LAMA2: variants seen among roughly 807,000 people sequenced by gnomAD.
LAMA2 encodes laminin subunit alpha-2.
LAMA2 carries 269 observed loss-of-function variants against 364.8 expected under a neutral mutation model. The observed-to-expected ratio is 0.74, with a 90% confidence interval of 0.67 to 0.82. The LOEUF (loss-of-function observed/expected upper bound fraction) is 0.82. Among genes scored for constraint, LAMA2 ranks in the 40% least tolerant of loss-of-function variants. The pLI is 0.00. For synonymous variants in LAMA2, 1,379 were observed against 1,370.6 expected (o/e 1.01, Z -0.14); for missense variants, 3,807 against 3,873.2 (o/e 0.98, Z 0.45).
intron 17 of LAMA2, among the ~76,000 whole-genome samples, chr6:129,273,697 C>A (rs1178349756): frequency 2.0e-5 from 3 of 152,064 alleles, no homozygotes; most frequent in Admixed American, 2.0e-4. Context: ...CACAATCCAT[C>A]AGTGCCAAAG....
chr6:128,942,517 T>G (rs1178716975), intron 1 of LAMA2, among the ~76,000 whole-genome samples: 1 of 152,192 alleles, frequency 6.6e-6, no homozygotes, highest in Non-Finnish European at 1.5e-5. Context: ...AACTATGAAT[T>G]GGCTCATTTA....
chr6:129,429,604 C>T (rs1271255344), intron 41 of LAMA2, among the ~76,000 whole-genome samples: 1 of 152,166 alleles, frequency 6.6e-6, no homozygotes, highest in African/African-American at 2.4e-5. Context: ...CATAATTCTG[C>T]TCAGCAGGTA....
intron 1 of LAMA2, among the ~76,000 whole-genome samples, chr6:128,951,788 TA>T (rs1022791953): frequency 1.3e-5 from 2 of 152,194 alleles, no homozygotes; most frequent in Non-Finnish European, 2.9e-5. Context: ...CTATTTTGTT[TA>T]AAAAAAACTT....
chr6:129,238,287 A>C (rs1280360863), intron 12 of LAMA2, among the ~76,000 whole-genome samples: 1 of 152,236 alleles, frequency 6.6e-6, no homozygotes, highest in Non-Finnish European at 1.5e-5. Flanking sequence ...GGAGAGGAAA[A>C]GAAATAATGT....
intron 1 of LAMA2, among the ~76,000 whole-genome samples, chr6:128,984,980 G>A (rs1455791253): frequency 1.3e-5 from 2 of 152,048 alleles, no homozygotes; most frequent in African/African-American, 4.8e-5. Context: ...TAGTTACTTG[G>A]TATGTCTAAG....
At chr6:129,314,473 C>G (rs767259822) in intron 23 of LAMA2, among the ~76,000 whole-genome samples, 182 bp from the exon 24 acceptor site, 6 of 149,758 alleles carry the variant, frequency 4.0e-5, no homozygotes, top group Non-Finnish European at 7.4e-5. Flanking sequence ...TTTAAAAGAT[C>G]CATGAACTCC....
intron 1 of LAMA2, among the ~76,000 whole-genome samples, chr6:128,992,286 A>G (rs1333057494): frequency 2.0e-5 from 3 of 152,218 alleles, no homozygotes; most frequent in Non-Finnish European, 4.4e-5. Context: ...AATTTTTATG[A>G]AATAATAAAA....
intron 1 of LAMA2, among the ~76,000 whole-genome samples, chr6:128,946,976 T>G (rs1380237579): frequency 2.6e-5 from 4 of 152,226 alleles, no homozygotes; most frequent in Non-Finnish European, 5.9e-5. Flanking sequence ...CCCTAATTCA[T>G]GGGCATTGAA....
Position 129,516,432 on chromosome 6 carries a change from A to AATT in LAMA2, c.*87_*89dup. 7.6e-7 allele frequency: 1 copy of AATT among 1,312,220 alleles called. No homozygotes were observed. Among genetic ancestry groups the AATT allele is most frequent in the Non-Finnish European group, 1.1e-6 (1 of 928,924 alleles). The allele number at this position is 1,312,220 out of a possible 1,614,324, so 81.3% of individuals were successfully genotyped here. A position where few individuals can be genotyped will look rare whatever the true frequency, so the allele number is the denominator to read the frequency against. On this transcript the variant is annotated 3_prime_UTR_variant, in exon 65 of 65. Coordinates refer to ENST00000421865, the MANE Select transcript of LAMA2 (RefSeq NM_000426.4). ...CAAATATATTTTACCTATATATGTT[A>AATT]ATTAAACTAATTTGTGCATGTACAT...
chr6:129,173,509 G>A (rs900886298), intron 9 of LAMA2, among the ~76,000 whole-genome samples: 4 of 152,154 alleles, frequency 2.6e-5, no homozygotes, highest in African/African-American at 9.7e-5. Context: ...ACTTGTCAGT[G>A]TCTGTCAATT....
chr6:128,931,147 C>T (rs1435460579), intron 1 of LAMA2, among the ~76,000 whole-genome samples: 1 of 152,148 alleles, frequency 6.6e-6, no homozygotes, highest in Non-Finnish European at 1.5e-5. Flanking sequence ...TATAACTAAC[C>T]TGTCTCTATA....
chr6:129,237,745 T>C (rs188885489), intron 12 of LAMA2, among the ~76,000 whole-genome samples: 5 of 152,256 alleles, frequency 3.3e-5, no homozygotes, highest in South Asian at 4.1e-4. Flanking sequence ...TATTGCCAAA[T>C]TGAACCCATA....
At chr6:129,376,315 G>A (rs1442920774) in intron 34 of LAMA2, among the ~76,000 whole-genome samples, 1 of 152,170 alleles carries the variant, frequency 6.6e-6, no homozygotes, top group East Asian at 1.9e-4. Context: ...TTCCACTTGT[G>A]TGTATGGCAT....
intron 1 of LAMA2, among the ~76,000 whole-genome samples, chr6:128,902,080 G>A (rs1777120368): frequency 6.6e-6 from 1 of 152,254 alleles, no homozygotes; most frequent in Non-Finnish European, 1.5e-5. Flanking sequence ...GCGAAGTGGG[G>A]GAAAAGCCCC....
At chr6:129,221,742 T>G (rs1783868118) in intron 12 of LAMA2, among the ~76,000 whole-genome samples, 1 of 152,180 alleles carries the variant, frequency 6.6e-6, no homozygotes. Flanking sequence ...TAGATGTATA[T>G]ACTAAAGGAA....
intron 9 of LAMA2, among the ~76,000 whole-genome samples, 154 bp from the exon 10 acceptor site, chr6:129,177,552 T>G (rs1379907837): frequency 4.6e-5 from 7 of 152,218 alleles, no homozygotes; most frequent in Non-Finnish European, 1.0e-4. Context: ...AATTAAACCC[T>G]CTACTCTTTG....
At chr6:129,116,247 C>G (rs987802402) in intron 4 of LAMA2, among the ~76,000 whole-genome samples, 2 of 152,140 alleles carry the variant, frequency 1.3e-5, no homozygotes, top group Non-Finnish European at 2.9e-5. Flanking sequence ...TAAGTCCCAG[C>G]TATTAAACTG....
intron 36 of LAMA2, among the ~76,000 whole-genome samples, chr6:129,392,368 C>A (rs1336460655): frequency 6.6e-6 from 1 of 152,116 alleles, no homozygotes; most frequent in Non-Finnish European, 1.5e-5. Context: ...GATTGTCAGA[C>A]CCCCTCCCAG....
At chr6:129,107,753 A>C (rs1344977981) in intron 4 of LAMA2, among the ~76,000 whole-genome samples, 22 of 152,182 alleles carry the variant, frequency 1.4e-4, no homozygotes, top group Admixed American at 1.4e-3. Flanking sequence ...GGTATTACAG[A>C]GAGGTCAAAT....
Sources: allele counts gnomAD v4.1 joint callset (sites outside exome capture counted in the v4.1 genomes callset), GRCh38; gene constraint gnomAD v4.1.1; transcripts MANE v1.5; gene names NCBI Gene and HGNC (gene_info 2026-07-23, HGNC 2026-07-21).